The following LRRC4C variants were observed in gnomAD, a reference collection of about 807,000 sequenced individuals.
LRRC4C encodes the protein leucine-rich repeat-containing protein 4C.
LRRC4C carries 5 observed loss-of-function variants against 33.6 expected under a neutral mutation model. The ratio of observed to expected loss-of-function variants is 0.15; its 90% CI spans 0.08 to 0.31. The LOEUF is 0.31. LRRC4C is among the 10% of genes least tolerant of loss of function. The pLI is 1.00. For missense variants in LRRC4C, 560 were observed against 796.7 expected (o/e 0.70, Z 3.58); for synonymous variants, 329 against 302.0 (o/e 1.09, Z -0.93).
intron 1 of LRRC4C, among the ~76,000 whole-genome samples, chr11:41,445,894 G>A (rs897219511): frequency 5.9e-5 from 9 of 151,340 alleles, no homozygotes; most frequent in Admixed American, 5.9e-4. Context: ...GTGTGTGTAC[G>A]TGTTATGTAA....
intron 3 of LRRC4C, among the ~76,000 whole-genome samples, chr11:40,628,771 A>T (rs1963203251): frequency 6.6e-6 from 1 of 152,192 alleles, no homozygotes; most frequent in African/African-American, 2.4e-5. Flanking sequence ...CCAGATTTTT[A>T]ATAAGGAAAA....
intron 3 of LRRC4C, among the ~76,000 whole-genome samples, chr11:40,364,990 A>G (rs1948143541): frequency 6.6e-6 from 1 of 151,958 alleles, no homozygotes. Context: ...AGGTAAAATA[A>G]TGGCATTTTT....
intron 1 of LRRC4C, among the ~76,000 whole-genome samples, chr11:41,182,510 C>T (rs1219754640): frequency 6.6e-6 from 1 of 151,960 alleles, no homozygotes; most frequent in African/African-American, 2.4e-5. Context: ...CTTGTATAAA[C>T]AATGTTTCTG....
intron 1 of LRRC4C, among the ~76,000 whole-genome samples, chr11:41,038,593 A>C (rs940304556): frequency 6.6e-6 from 1 of 152,200 alleles, no homozygotes; most frequent in African/African-American, 2.4e-5. Flanking sequence ...CTAATGACAG[A>C]GAATCAAAAA....
At chr11:40,647,847 G>A (rs955409385) in intron 3 of LRRC4C, among the ~76,000 whole-genome samples, 13 of 152,280 alleles carry the variant, frequency 8.5e-5, no homozygotes, top group Admixed American at 5.2e-4. Flanking sequence ...ACATCTGTTT[G>A]AGAAACAGTT....
chr11:41,386,115 A>C (rs536216098), intron 1 of LRRC4C, among the ~76,000 whole-genome samples: 1 of 151,760 alleles, frequency 6.6e-6, no homozygotes, highest in African/African-American at 2.4e-5. Context: ...ATGTATGTAT[A>C]TATATTTAAT....
intron 1 of LRRC4C, among the ~76,000 whole-genome samples, chr11:41,275,719 G>T (rs1256728086): frequency 1.3e-5 from 2 of 152,160 alleles, no homozygotes; most frequent in African/African-American, 2.4e-5. Flanking sequence ...TTATGGTAGA[G>T]AATTGGGAAT....
At chr11:40,875,951 C>A (rs894302481) in intron 2 of LRRC4C, among the ~76,000 whole-genome samples, 1 of 151,944 alleles carries the variant, frequency 6.6e-6, no homozygotes, top group African/African-American at 2.4e-5. Context: ...TAGTGACACC[C>A]AAAGTGTGTT....
At chr11:40,848,085 C>CT (rs1231676008) in intron 2 of LRRC4C, among the ~76,000 whole-genome samples, 17 of 111,292 alleles carry the variant, frequency 1.5e-4, no homozygotes, top group African/African-American at 4.1e-4. Context: ...ATCTATCTAT[C>CT]TTTTTTTTTA....
chr11:40,504,622 A>G (rs1954942576), intron 3 of LRRC4C, among the ~76,000 whole-genome samples: 1 of 152,170 alleles, frequency 6.6e-6, no homozygotes, highest in African/African-American at 2.4e-5. Context: ...GAGGAAGAAG[A>G]TGTTTTCTTA....
At chr11:40,605,821 A>T (rs559755155) in intron 3 of LRRC4C, among the ~76,000 whole-genome samples, 1 of 152,204 alleles carries the variant, frequency 6.6e-6, no homozygotes, top group African/African-American at 2.4e-5. Flanking sequence ...CATGGAAAGA[A>T]TGAGAGAAGC....
intron 3 of LRRC4C, among the ~76,000 whole-genome samples, chr11:40,600,480 T>C (rs1959874379): frequency 6.6e-6 from 1 of 152,174 alleles, no homozygotes; most frequent in Non-Finnish European, 1.5e-5. Context: ...ACTGCTGGCA[T>C]TTTGGAAAGG....
intron 2 of LRRC4C, among the ~76,000 whole-genome samples, 183 bp from the exon 3 acceptor site, chr11:40,648,461 T>C (rs1420446225): frequency 6.6e-6 from 1 of 152,202 alleles, no homozygotes; most frequent in Non-Finnish European, 1.5e-5. Context: ...AAAAACTATA[T>C]CAAATGTTAT....
At chr11:40,553,394 T>C (rs547708936) in intron 3 of LRRC4C, among the ~76,000 whole-genome samples, 1 of 152,324 alleles carries the variant, frequency 6.6e-6, no homozygotes, top group Non-Finnish European at 1.5e-5. Context: ...TTATATAACC[T>C]CATATCCAGG....
chr11:40,848,004 C>T (rs1591875892), intron 2 of LRRC4C, among the ~76,000 whole-genome samples: 1 of 151,822 alleles, frequency 6.6e-6, no homozygotes, highest in South Asian at 2.1e-4. Flanking sequence ...GGTGATATCC[C>T]TTTTATCAGT....
At chr11:41,004,514 A>C (rs1274416634) in intron 1 of LRRC4C, among the ~76,000 whole-genome samples, 3 of 152,172 alleles carry the variant, frequency 2.0e-5, no homozygotes, top group African/African-American at 7.2e-5. Context: ...CTACCATCTA[A>C]CACATTAGAT....
intron 1 of LRRC4C, among the ~76,000 whole-genome samples, chr11:41,035,873 A>G (rs545659556): frequency 6.6e-6 from 1 of 152,248 alleles, no homozygotes; most frequent in African/African-American, 2.4e-5. Flanking sequence ...TCTTGAAACT[A>G]TCTGTAGGCA....
At chr11:40,731,667 T>C (rs1947592877) in intron 2 of LRRC4C, among the ~76,000 whole-genome samples, 1 of 151,624 alleles carries the variant, frequency 6.6e-6, no homozygotes, top group Non-Finnish European at 1.5e-5. Context: ...AATATATTGG[T>C]TCAAATTGAA....
At chr11:40,487,033 C>T (rs532878124) in intron 3 of LRRC4C, among the ~76,000 whole-genome samples, 2 of 152,084 alleles carry the variant, frequency 1.3e-5, no homozygotes, top group East Asian at 3.9e-4. Context: ...AAAAGTTATA[C>T]GGCGGGGCTC....
Sources: gnomAD v4.1 joint callset for allele counts (sites outside exome capture counted in the v4.1 genomes callset) on GRCh38, gnomAD v4.1.1 for gene constraint, MANE v1.5 for transcripts, NCBI Gene and HGNC (gene_info 2026-07-23, HGNC 2026-07-21) for gene names.